COL5A3: variants seen among roughly 807,000 people sequenced by gnomAD.
COL5A3 encodes collagen type V alpha 3 chain.
COL5A3 carries 172 observed loss-of-function variants against 250.0 expected under a neutral mutation model. The observed-to-expected ratio is 0.69, with a 90% confidence interval of 0.61 to 0.78. The LOEUF is 0.78. Ranked by LOEUF, COL5A3 falls within the 30% of genes least tolerant of loss-of-function variation. COL5A3 has a pLI of 0.00. For missense variants in COL5A3, 2,340 were observed against 2,334.4 expected (o/e 1.00, Z -0.05); for synonymous variants, 937 against 900.4 (o/e 1.04, Z -0.73).
chr19:9,979,883 C>G lies in COL5A3; in HGVS notation c.2668G>C (p.Gly890Arg). 5 of 1,573,250 alleles carry G rather than the reference C, an allele frequency of 3.2e-6. No homozygotes were observed. Among genetic ancestry groups the G allele is most frequent in the Non-Finnish European group, 4.3e-6 (5 of 1,167,120 alleles). ...PGPKGPPGHQ[G>R]KDGRPGHPGQ... ...GGGTGCCCTGGTCGCCCATCTTTAC[C>G]TTGGTGACCCTGGGGGATGAGGTGG... The change falls in exon 37 of 67, where the codon GGT becomes CGT. Residue 890 changes from glycine to arginine, a missense_variant. Coordinates refer to ENST00000264828, the MANE Select transcript of COL5A3 (RefSeq NM_015719.4).
Position 9,966,576 on chromosome 19 carries a change from C to T in COL5A3, c.4629G>A (p.Val1543=). ...PPGTAERPGL[V]CHELHRNHPH... is the part of the protein sequence containing the mutation. ...GGTGGTTGCGGTGCAGCTCGTGGCA[C>T]ACGAGGCCCGGGCGCTCCGCAGTGC... The change falls in exon 63 of 67, where the codon GTG becomes GTA. Residue 1543 remains valine (V), a synonymous_variant. Coordinates refer to ENST00000264828, the MANE Select transcript of COL5A3 (RefSeq NM_015719.4). 1.3e-6 allele frequency: 2 copies of T among 1,542,730 alleles called. No homozygotes were observed. The highest frequency in any genetic ancestry group is 2.4e-5 in the East Asian group (1 of 41,038).
chr19:9,980,855 G>A lies in COL5A3; in HGVS notation c.2510C>T (p.Ser837Phe), dbSNP rs761815520. 19 of 1,608,336 alleles carry A rather than the reference G, an allele frequency of 1.2e-5. No homozygotes were observed. Among genetic ancestry groups the A allele is most frequent in the Non-Finnish European group, 1.5e-5 (18 of 1,177,694 alleles). Reference protein sequence around the residue: ...GLEGERGPPGSRGERGQPGAT... With the variant: ...GLEGERGPPGFRGERGQPGAT... ...ACCCGGTTGCCCCCTCTCTCCACGG[G>A]AACCCTGAACAAAAAAAAAAGGCAA... The change falls in exon 34 of 67, where the codon TCC (serine) becomes TTC (phenylalanine). Residue 837 changes from serine (S) to phenylalanine (F), a missense_variant. By Grantham distance (155) the Ser-to-Phe change is radical (BLOSUM62 -2). Transcript: ENST00000264828.
At chr19:9,996,304 A>C in intron 13 of COL5A3, 42 bp from the exon 14 acceptor site, 4 of 1,546,860 alleles carry the variant, frequency 2.6e-6, no homozygotes, top group Non-Finnish European at 3.5e-6. Flanking sequence ...CTCCCACAAG[A>C]CCCCCAACAT....
chr19:9,997,275 G>C (rs1039568373), intron 11 of COL5A3, 96 bp downstream of exon 11: 1 of 912,140 alleles, frequency 1.1e-6, no homozygotes, highest in Admixed American at 2.0e-5. Context: ...TGGTGTTCCC[G>C]AGTGCCACAC....
rs1372729126 is a variant in COL5A3 at position 10,009,209 on chromosome 19, G to A, written c.88+1089C>T. ...GTGTGTGTGTGTGTGTGTGTGTTGG[G>A]AGACTGAGCTCACCTTAGAAAGGGA... On this transcript the variant is annotated intron_variant, in intron 1 of 66. Transcript: ENST00000264828. The surrounding 1 kb of genome is among the most constrained non-coding windows in gnomAD (Gnocchi z 4.4). 6.7e-6 allele frequency among the ~76,000 whole-genome samples: 1 copy of A among 149,178 alleles called. No homozygotes were observed. The highest frequency in any genetic ancestry group is 1.5e-5 in the Non-Finnish European group (1 of 67,446).
Position 9,991,738 on chromosome 19 carries a change from G to T in COL5A3, c.1947+50C>A, listed in dbSNP as rs1428505432. 6 of 1,596,776 alleles carry T rather than the reference G, an allele frequency of 3.8e-6. No individual in the cohort carries two copies. In the Admixed American group the frequency reaches 1.0e-4, roughly 27 times the overall value. ...TTGGGAAGCCTGGTCACGGTCTAAG[G>T]TCTTAACTGACCACTCCCATGCCCC... On this transcript the variant is annotated intron_variant, in intron 23 of 66. Coordinates refer to ENST00000264828, the MANE Select transcript of COL5A3 (RefSeq NM_015719.4).
At chr19:9,967,483 TCACA>T (rs966088925) in intron 61 of COL5A3, 83 bp from the exon 62 acceptor site, 26 of 812,362 alleles carry the variant, frequency 3.2e-5, no homozygotes, top group Admixed American at 2.1e-4. Context: ...ACACACACAC[TCACA>T]CACACACTCA....
At chr19:9,967,539 ACACT>A (rs1017866149) in intron 61 of COL5A3, 139 bp from the exon 62 acceptor site, 11 of 645,432 alleles carry the variant, frequency 1.7e-5, no homozygotes, top group African/African-American at 9.5e-5. Flanking sequence ...ACTCACTCAC[ACACT>A]CACACACACA....
At chr19:9,975,031 G>A (rs2086900093) in intron 45 of COL5A3, among the ~76,000 whole-genome samples, 1 of 150,960 alleles carries the variant, frequency 6.6e-6, no homozygotes, top group African/African-American at 2.4e-5. Flanking sequence ...CTGAATAGCT[G>A]GGATTACAAG....
At chr19:9,981,451 C>G (rs1483830196) in intron 32 of COL5A3, among the ~76,000 whole-genome samples, 1 of 152,178 alleles carries the variant, frequency 6.6e-6, no homozygotes, top group Non-Finnish European at 1.5e-5. Flanking sequence ...TGGCAATCCA[C>G]AGCCTGAAGA....
rs115373705 is a variant in COL5A3, at chr19:9,976,002, T to C, written c.3342+556A>G. ...ATCAGATTCTGGGGGTGAGTTCATA[T>C]TGGGTGTCGGTATTGAGGGGAAGAC... On this transcript the variant is annotated intron_variant, in intron 45 of 66. Coordinates refer to ENST00000264828, the MANE Select transcript of COL5A3 (RefSeq NM_015719.4). Among the ~76,000 whole-genome samples the C allele has an allele frequency of 4.8e-3, 720 of 150,844 alleles. 5 individuals are homozygous for C. The highest frequency in any genetic ancestry group is 0.017 in the African/African-American group (676 of 40,868).
At position 9,979,395 on chromosome 19, in the gene COL5A3, G is replaced by A. The variant is rs200618527; in HGVS notation, c.2735C>T (p.Pro912Leu). The change falls in exon 38 of 67, where the codon CCG becomes CTG. Residue 912 changes from proline to leucine, a missense_variant. Physicochemically the swap from Pro to Leu is moderately conservative, Grantham distance 98. Transcript: ENST00000264828. The part of the protein sequence containing the change: ...GELGFQGQTG[P>L]PGPAGVLGPQ... Reference sequence around the variant, plus strand: ...GCCTAAGACACCAGCTGGTCCAGGCGGGCCTGTCTGACCTTGGAAGCCCTA... The same window carrying A: ...GCCTAAGACACCAGCTGGTCCAGGCAGGCCTGTCTGACCTTGGAAGCCCTA... 8 of 1,614,008 alleles carry A rather than the reference G, an allele frequency of 5.0e-6. No individual in the cohort carries two copies. Among genetic ancestry groups the A allele is most frequent in the Admixed American group, 1.7e-5 (1 of 60,000 alleles).
intron 40 of COL5A3, 73 bp from the exon 41 acceptor site, chr19:9,978,700 G>C: frequency 1.8e-6 from 2 of 1,098,636 alleles, no homozygotes; most frequent in South Asian, 3.3e-5. Flanking sequence ...TCTGTGGGGA[G>C]CTCACAGTCC....
intron 51 of COL5A3, among the ~76,000 whole-genome samples, chr19:9,972,669 C>G (rs554016150): frequency 0.051 from 7,792 of 152,200 alleles, 249 homozygotes; most frequent in Middle Eastern, 0.075. Context: ...ACACCCATCT[C>G]TACTAAAAAT....
In COL5A3 at chr19:9,968,273, C is replaced by CCA; in HGVS notation, c.4314+110_4314+111dup. On this transcript the variant is annotated intron_variant, in intron 59 of 66. Coordinates refer to ENST00000264828, the MANE Select transcript of COL5A3 (RefSeq NM_015719.4). This position sits in a 1 kb window ranked among gnomAD's most constrained non-coding sequence, Gnocchi z 4.1. The stretch of plus-strand genomic sequence containing the variant: ...TCCCAGATACATCCCCCTATTTTCC[C>CCA]CACACACACCCTCATTAATCCAGAC... The CCA allele has an allele frequency of 9.5e-7, 1 of 1,050,050 alleles. No individual in the cohort carries two copies. 65.0% of individuals were successfully genotyped at this position (1,050,050 alleles called of 1,614,324 possible).
In COL5A3 at chr19:9,986,720, G is replaced by A. The variant is rs755508984; in HGVS notation, c.2184C>T (p.Gly728=). ...GAGTTCCTTCTCTCCTCACCTTCTC[G>A]CCTTTCTCCCCCTGGAGGCCCCGGT... The part of the protein sequence containing the change: ...SGNRGLQGEK[G]EKGEDGFPGF... The change falls in exon 28 of 67, where the codon GGC becomes GGT. Residue 728 remains glycine (G), a synonymous_variant. Transcript: ENST00000264828. 45 of 1,612,888 alleles carry A rather than the reference G, an allele frequency of 2.8e-5. No individual in the cohort carries two copies. Among genetic ancestry groups the A allele is most frequent in the Non-Finnish European group, 3.6e-5 (42 of 1,179,886 alleles).
At chr19:9,962,637 T>C (rs1568400775) in intron 65 of COL5A3, among the ~76,000 whole-genome samples, 182 bp downstream of exon 65, 3 of 152,166 alleles carry the variant, frequency 2.0e-5, no homozygotes, top group Non-Finnish European at 4.4e-5. Context: ...TCATTCTGTA[T>C]GGCAATTGAC....
At chr19:9,964,150 G>A (rs1251895463) in intron 64 of COL5A3, among the ~76,000 whole-genome samples, 1 of 152,130 alleles carries the variant, frequency 6.6e-6, no homozygotes, top group Non-Finnish European at 1.5e-5. Flanking sequence ...TCCAGCCTGG[G>A]CAACAGAGTG....
At chr19:9,983,674 A>AG (rs1413934572) in intron 31 of COL5A3, among the ~76,000 whole-genome samples, 150 of 145,076 alleles carry the variant, frequency 1.0e-3, no homozygotes, top group African/African-American at 3.7e-3. Flanking sequence ...AAAGAAAGAA[A>AG]AAAGAAGAAA....
Sources: allele counts gnomAD v4.1 joint callset (sites outside exome capture counted in the v4.1 genomes callset), GRCh38; gene constraint gnomAD v4.1.1; non-coding constraint Gnocchi (gnomAD v3.1); transcripts MANE v1.5; gene names NCBI Gene and HGNC (gene_info 2026-07-23, HGNC 2026-07-21).